CPAP: variants seen among roughly 807,000 people sequenced by gnomAD.
The protein encoded by CPAP is centrosome assembly and centriole elongation protein.
chr13:24,907,156 A>C, the CPAP span: 1 of 1,613,902 alleles, frequency 6.2e-7, no homozygotes. Flanking sequence ...TAATCTTCAA[A>C]GGTCTGTTTC....
chr13:24,914,541 G>A, the CPAP span, among the ~76,000 whole-genome samples: 1 of 152,096 alleles, frequency 6.6e-6, no homozygotes, highest in Non-Finnish European at 1.5e-5. Flanking sequence ...ACCTTCCTGA[G>A]AACATCTGTT....
chr13:24,933,999 T>G, the CPAP span, among the ~76,000 whole-genome samples: 1 of 152,182 alleles, frequency 6.6e-6, no homozygotes, highest in African/African-American at 2.4e-5. Context: ...GGGCCGGGAA[T>G]ACAGGCATGA....
chr13:24,906,836 A>G, the CPAP span: 3 of 1,614,188 alleles, frequency 1.9e-6, no homozygotes, highest in Non-Finnish European at 2.5e-6. Flanking sequence ...CTGGTTAGTC[A>G]CTAGTTTACT....
At chr13:24,891,296 C>T in the CPAP span, among the ~76,000 whole-genome samples, 1 of 152,138 alleles carries the variant, frequency 6.6e-6, no homozygotes, top group Admixed American at 6.5e-5. Flanking sequence ...CACAGCCCTG[C>T]TGGCCTCTCC....
At chr13:24,897,074 T>C in the CPAP span, among the ~76,000 whole-genome samples, 7 of 152,148 alleles carry the variant, frequency 4.6e-5, no homozygotes, top group African/African-American at 1.7e-4. Context: ...TAAGAATTGC[T>C]AGTAGAACTA....
chr13:24,895,722 T>G, the CPAP span, among the ~76,000 whole-genome samples: 3 of 152,154 alleles, frequency 2.0e-5, no homozygotes, highest in Non-Finnish European at 4.4e-5. Context: ...TTAAAGGGGC[T>G]CCCCCACTGG....
the CPAP span, chr13:24,905,460 G>T: frequency 6.2e-7 from 1 of 1,614,172 alleles, no homozygotes; most frequent in Non-Finnish European, 8.5e-7. Flanking sequence ...GATGTAGGAG[G>T]ACTTCTGCTC....
chr13:24,886,508 A>G, the CPAP span: 1 of 496,498 alleles, frequency 2.0e-6, no homozygotes, highest in Non-Finnish European at 3.7e-6. Flanking sequence ...ATAACATCAG[A>G]GGGATCAGTC....
At chr13:24,897,246 T>TA in the CPAP span, among the ~76,000 whole-genome samples, 7 of 152,050 alleles carry the variant, frequency 4.6e-5, no homozygotes, top group African/African-American at 1.4e-4. Flanking sequence ...AAAATAAAAA[T>TA]AAAAAACTGA....
At chr13:24,894,894 C>T in the CPAP span, among the ~76,000 whole-genome samples, 1 of 152,098 alleles carries the variant, frequency 6.6e-6, no homozygotes, top group East Asian at 1.9e-4. Context: ...GGTCCAGACC[C>T]AGACAGACGG....
At chr13:24,925,562 G>C in the CPAP span, among the ~76,000 whole-genome samples, 2 of 152,144 alleles carry the variant, frequency 1.3e-5, no homozygotes, top group Admixed American at 6.5e-5. Context: ...ATCACACCAC[G>C]AGACTACAGC....
the CPAP span, among the ~76,000 whole-genome samples, chr13:24,915,346 G>A: frequency 2.0e-5 from 3 of 152,260 alleles, no homozygotes; most frequent in Non-Finnish European, 4.4e-5. Context: ...AGATGCCTAT[G>A]AAATATGCAC....
At chr13:24,902,393 C>T in the CPAP span, among the ~76,000 whole-genome samples, 1 of 152,126 alleles carries the variant, frequency 6.6e-6, no homozygotes, top group East Asian at 1.9e-4. Context: ...ATAAGTTCCA[C>T]ATTTTACCCA....
At chr13:24,932,578 T>C in the CPAP span, among the ~76,000 whole-genome samples, 1 of 152,254 alleles carries the variant, frequency 6.6e-6, no homozygotes, top group African/African-American at 2.4e-5. Context: ...GTTCGGTTTT[T>C]CTCCAGAATG....
chr13:24,896,900 G>A, the CPAP span, among the ~76,000 whole-genome samples: 2 of 152,158 alleles, frequency 1.3e-5, no homozygotes, highest in Non-Finnish European at 2.9e-5. Flanking sequence ...GAAGTTTTCT[G>A]ATAGCAGAAT....
the CPAP span, chr13:24,883,250 T>G: frequency 6.2e-7 from 1 of 1,614,152 alleles, no homozygotes. Context: ...GTACTTCGTT[T>G]CTTGATGACC....
At chr13:24,922,962 C>T in the CPAP span, 5 of 152,366 alleles carry the variant, frequency 3.3e-5, no homozygotes, top group Non-Finnish European at 7.3e-5. Flanking sequence ...CTCCCAGTGA[C>T]GCCACAGCGA....
At chr13:24,892,416 C>T in the CPAP span, among the ~76,000 whole-genome samples, 1 of 152,178 alleles carries the variant, frequency 6.6e-6, no homozygotes, top group South Asian at 2.1e-4. Context: ...TAGGTGCACA[C>T]TTCAGTGGCA....
chr13:24,892,500 G>C, the CPAP span: 12,332 of 694,294 alleles, frequency 0.018, 1,068 homozygotes, highest in African/African-American at 0.19. Context: ...TTACAAGATG[G>C]AAACTGTCCA....
Sources: gnomAD v4.1 joint callset for allele counts (sites outside exome capture counted in the v4.1 genomes callset) on GRCh38, gnomAD v4.1.1 for gene constraint, MANE v1.5 for transcripts, NCBI Gene and HGNC (gene_info 2026-07-23, HGNC 2026-07-21) for gene names.